The following MYO16 variants were observed in gnomAD, a reference collection of about 807,000 sequenced individuals.
The protein encoded by MYO16 is unconventional myosin-XVI.
MYO16 carries 94 observed loss-of-function variants against 205.3 expected under a neutral mutation model. The observed-to-expected ratio is 0.46, with a 90% confidence interval of 0.39 to 0.54. The LOEUF is 0.54. MYO16 is among the 20% of genes least tolerant of loss of function. The probability of loss-of-function intolerance (pLI) is 0.00; values close to 1 mark genes in which losing one functional copy is unlikely to be tolerated. For synonymous variants in MYO16, 988 were observed against 954.0 expected, an observed-to-expected ratio of 1.04 and a Z score of -0.66; for missense variants, 2,315 against 2,387.5, an observed-to-expected ratio of 0.97 and a Z score of 0.63.
intron 4 of MYO16, among the ~76,000 whole-genome samples, chr13:108,755,646 T>C (rs1263802658): frequency 6.6e-6 from 1 of 152,124 alleles, no homozygotes; most frequent in Non-Finnish European, 1.5e-5. Context: ...AGTGACACTA[T>C]ATTTAACTTC....
At chr13:108,961,788 G>T (rs78614224) in intron 18 of MYO16, 132 bp downstream of exon 18, 1 of 675,912 alleles carries the variant, frequency 1.5e-6, no homozygotes, top group Middle Eastern at 2.8e-4. Flanking sequence ...TTCAGTGAGG[G>T]GGGGAAATTG....
chr13:109,011,739 T>G (rs1161018325), intron 22 of MYO16, among the ~76,000 whole-genome samples: 2 of 152,044 alleles, frequency 1.3e-5, no homozygotes, highest in African/African-American at 2.4e-5. Flanking sequence ...GGTCTGGATC[T>G]CCTGACCTCG....
At chr13:108,848,226 G>C (rs766423284) in intron 10 of MYO16, among the ~76,000 whole-genome samples, 4 of 152,148 alleles carry the variant, frequency 2.6e-5, no homozygotes, top group Non-Finnish European at 4.4e-5. Flanking sequence ...TTTTGCCAGA[G>C]CAGTAGTCTT....
intron 4 of MYO16, among the ~76,000 whole-genome samples, chr13:108,735,545 A>T (rs1013598519): frequency 1.4e-5 from 2 of 141,378 alleles, no homozygotes; most frequent in Non-Finnish European, 3.1e-5. Context: ...TCTATCATTG[A>T]TGGACATTTG....
intron 1 of MYO16, among the ~76,000 whole-genome samples, chr13:108,665,212 C>T (rs1014568936): frequency 6.6e-6 from 1 of 152,060 alleles, no homozygotes; most frequent in African/African-American, 2.4e-5. Flanking sequence ...AGCCTCCAAG[C>T]AGTCGGGACT....
the MYO16 span, among the ~76,000 whole-genome samples, chr13:108,534,829 CTCTTCTTCT>C: frequency 5.4e-5 from 8 of 148,662 alleles, no homozygotes; most frequent in African/African-American, 1.5e-4. Flanking sequence ...CCTCTTCTTC[CTCTTCTTCT>C]TCTCCTCCTC....
intron 27 of MYO16, among the ~76,000 whole-genome samples, chr13:109,069,454 G>A (rs1049819783): frequency 9.9e-5 from 15 of 152,118 alleles, no homozygotes; most frequent in African/African-American, 3.6e-4. Flanking sequence ...AGCCTGCTTG[G>A]GCTGCCATAT....
chr13:108,626,760 G>A (rs528983050), upstream of MYO16, among the ~76,000 whole-genome samples: 11 of 151,600 alleles, frequency 7.3e-5, no homozygotes, highest in African/African-American at 1.5e-4. Flanking sequence ...AGCCAAGATC[G>A]CGCCATTGCA....
At chr13:109,165,713 G>A (rs1341240688) in intron 33 of MYO16, among the ~76,000 whole-genome samples, 2 of 152,182 alleles carry the variant, frequency 1.3e-5, no homozygotes, top group African/African-American at 4.8e-5. Flanking sequence ...TGGGGTGCAA[G>A]GTGAGCCGAA....
At chr13:109,082,061 G>A (rs1888297560) in intron 27 of MYO16, among the ~76,000 whole-genome samples, 1 of 152,184 alleles carries the variant, frequency 6.6e-6, no homozygotes, top group African/African-American at 2.4e-5. Flanking sequence ...TTGCTATCTG[G>A]CTCTTTAGAG....
In MYO16 at chr13:109,105,473, AAAAC is replaced by A. The variant is rs139953954; in HGVS notation, c.3438+4598_3438+4601del. On this transcript the variant is annotated intron_variant, in intron 28 of 34. Coordinates refer to ENST00000457511, the MANE Select transcript of MYO16 (RefSeq NM_001198950.3). ...GACAACAAGAGTGAAACTCCATCTC[AAAAC>A]AAACAAACAAAAAACTTTTTAAAAT... Among the ~76,000 whole-genome samples, 889 of 152,358 alleles carry A rather than the reference AAAAC, an allele frequency of 5.8e-3. 10 individuals carry two copies. The highest frequency in any genetic ancestry group is 0.02 in the African/African-American group (840 of 41,574).
rs1444540571 is a variant in MYO16, at chr13:108,844,424, G to T, written c.1179G>T (p.Leu393=). The stretch of plus-strand genomic sequence containing the variant: ...TGTTCAAAGATGCAACAAAAGGTCT[G>T]TGTAAGCAGCAGTCTCAGGACAGCA... ...DIMFKDATKG[L]CKQQSQDSIP... Residue 393 remains leucine (L), a synonymous_variant, in exon 10 of 35, where the codon CTG becomes CTT. Coordinates refer to ENST00000457511, the MANE Select transcript of MYO16 (RefSeq NM_001198950.3). The T allele has an allele frequency of 3.1e-6, 5 of 1,613,276 alleles. No homozygotes were observed. The highest frequency in any genetic ancestry group is 3.3e-5 in the Admixed American group (2 of 59,952).
chr13:109,140,712 C>G lies in MYO16; in HGVS notation c.4500C>G (p.Ile1500Met). Reference protein sequence around the residue: ...AAGPPGDACDIPPPFPNLLPH... With the variant: ...AAGPPGDACDMPPPFPNLLPH... ...GGCCCCCAGGGGACGCGTGCGACAT[C>G]CCGCCGCCCTTCCCCAACCTGCTGC... The change falls in exon 32 of 35, where the codon ATC (isoleucine) becomes ATG (methionine). Residue 1500 changes from isoleucine to methionine, a missense_variant. Physicochemically the swap from Ile to Met is conservative, Grantham distance 10. This residue lies in a region of MYO16 where 1,097 missense variants were observed against 1,092.0 expected (regional missense o/e 1.00). Transcript: ENST00000457511. This position sits in a 1 kb window ranked among gnomAD's most constrained non-coding sequence, Gnocchi z 8.0. 3 of 1,492,818 alleles carry G rather than the reference C, an allele frequency of 2.0e-6. No individual in the cohort carries two copies. 92.5% of individuals were successfully genotyped at this position (1,492,818 alleles called of 1,614,324 possible).
chr13:108,968,101 C>T (rs1883865555), intron 20 of MYO16, among the ~76,000 whole-genome samples: 1 of 152,230 alleles, frequency 6.6e-6, no homozygotes, highest in African/African-American at 2.4e-5. Flanking sequence ...GCTCCATCCA[C>T]TCCACCTTGG....
chr13:108,755,379 C>T (rs1885388939), intron 4 of MYO16, among the ~76,000 whole-genome samples: 1 of 152,090 alleles, frequency 6.6e-6, no homozygotes, highest in Non-Finnish European at 1.5e-5. Flanking sequence ...AATCATTCTA[C>T]AACTACTAAA....
At chr13:108,522,661 C>T in the MYO16 span, among the ~76,000 whole-genome samples, 1 of 152,084 alleles carries the variant, frequency 6.6e-6, no homozygotes, top group Non-Finnish European at 1.5e-5. Context: ...CTACCCCATG[C>T]CTCTTTCCTA....
chr13:108,509,222 A>C, the MYO16 span, among the ~76,000 whole-genome samples: 1 of 151,596 alleles, frequency 6.6e-6, no homozygotes, highest in Non-Finnish European at 1.5e-5. Context: ...ACAGAAACGG[A>C]ATTGGAATCC....
chr13:108,694,539 G>T (rs1012115165), intron 2 of MYO16, among the ~76,000 whole-genome samples: 1 of 151,970 alleles, frequency 6.6e-6, no homozygotes, highest in African/African-American at 2.4e-5. Flanking sequence ...TTAGAGAAAA[G>T]TATTTTGTCT....
At chr13:108,793,774 T>C (rs1886697327) in intron 6 of MYO16, 134 bp downstream of exon 6, 2 of 1,037,008 alleles carry the variant, frequency 1.9e-6, no homozygotes, top group Non-Finnish European at 2.7e-6. Context: ...TGTAGAAGTT[T>C]TGGAAAACAC....
Sources: gnomAD v4.1 joint callset for allele counts (sites outside exome capture counted in the v4.1 genomes callset) on GRCh38, gnomAD v4.1.1 for gene constraint, gnomAD v4.1.1 regional missense constraint, Gnocchi (gnomAD v3.1) non-coding constraint, MANE v1.5 for transcripts, NCBI Gene and HGNC (gene_info 2026-07-23, HGNC 2026-07-21) for gene names.